RUNX1: variants seen among roughly 807,000 people sequenced by gnomAD.
RUNX1 encodes the protein RUNX family transcription factor 1.
Under a neutral mutation model 42.8 loss-of-function variants are expected in RUNX1, and 19 were observed. The ratio of observed to expected loss-of-function variants is 0.44; its 90% CI spans 0.31 to 0.65. The LOEUF (loss-of-function observed/expected upper bound fraction) is 0.65. RUNX1 is among the 30% of genes least tolerant of loss of function. RUNX1 has a pLI of 0.07. For missense variants in RUNX1, 528 were observed against 672.0 expected (o/e 0.79, Z 2.37); for synonymous variants, 271 against 289.4 (o/e 0.94, Z 0.64).
At chr21:34,870,414 A>ACCAGGGGCGATTTGCCC (rs2057720217) in intron 5 of RUNX1, among the ~76,000 whole-genome samples, 1 of 152,232 alleles carries the variant, frequency 6.6e-6, no homozygotes, top group Admixed American at 6.5e-5. Flanking sequence ...GTGGTTCTCA[A>ACCAGGGGCGATTTGCCC]CCAGGGGCGA....
intron 2 of RUNX1, among the ~76,000 whole-genome samples, chr21:35,001,199 GT>G (rs921227758): frequency 1.7e-4 from 25 of 151,182 alleles, no homozygotes; most frequent in African/African-American, 5.1e-4. Flanking sequence ...TTTTTTAAAA[GT>G]TTTTTTAATA....
At chr21:35,001,602 C>T (rs1184394994) in intron 2 of RUNX1, among the ~76,000 whole-genome samples, 5 of 152,116 alleles carry the variant, frequency 3.3e-5, no homozygotes, top group African/African-American at 2.4e-5. Flanking sequence ...CAAGGATGTT[C>T]ACTCTTGCCA....
chr21:35,003,012 G>C (rs2059057818), intron 2 of RUNX1, among the ~76,000 whole-genome samples: 1 of 152,146 alleles, frequency 6.6e-6, no homozygotes. Context: ...GCAAAACATG[G>C]TGGTGCAAGA....
chr21:34,979,462 G>C (rs2058830460), intron 2 of RUNX1, among the ~76,000 whole-genome samples: 1 of 152,050 alleles, frequency 6.6e-6, no homozygotes, highest in African/African-American at 2.4e-5. Context: ...TGCTCTACAA[G>C]AGAACTACAT....
intron 7 of RUNX1, among the ~76,000 whole-genome samples, chr21:34,804,235 C>T (rs1412282127): frequency 1.3e-5 from 2 of 152,172 alleles, no homozygotes. Flanking sequence ...CTAGGGGCTA[C>T]AGTTTCAGGA....
At chr21:35,024,776 A>G (rs1379395888) in intron 2 of RUNX1, among the ~76,000 whole-genome samples, 1 of 152,244 alleles carries the variant, frequency 6.6e-6, no homozygotes, top group Admixed American at 6.5e-5. Flanking sequence ...GCAACTTGAC[A>G]TTCTTTTCTA....
chr21:34,880,109 T>C (rs2057872582), intron 5 of RUNX1, among the ~76,000 whole-genome samples: 1 of 152,200 alleles, frequency 6.6e-6, no homozygotes, highest in Admixed American at 6.5e-5. Context: ...TAGAAATCCC[T>C]AAAATTATTA....
intron 4 of RUNX1, among the ~76,000 whole-genome samples, chr21:34,882,626 T>C (rs2057921687): frequency 6.6e-6 from 1 of 152,178 alleles, no homozygotes; most frequent in Admixed American, 6.5e-5. Flanking sequence ...GACAATTCCC[T>C]TTTTGTTTTA....
intron 2 of RUNX1, among the ~76,000 whole-genome samples, chr21:34,971,996 T>A (rs1291720531): frequency 6.6e-6 from 1 of 152,186 alleles, no homozygotes; most frequent in East Asian, 1.9e-4. Flanking sequence ...ACCATAATTT[T>A]AAAAATATAG....
chr21:34,914,017 G>A lies in RUNX1; in HGVS notation c.59-21054C>T, dbSNP rs140590948. Among the ~76,000 whole-genome samples, 519 of 152,290 alleles carry A rather than the reference G, an allele frequency of 3.4e-3. 2 individuals are homozygous for A. Among genetic ancestry groups the A allele is most frequent in the African/African-American group, 0.012 (491 of 41,570 alleles). ...TTCAGGAGGCATAAAATAACCTACT[G>A]TTACTCAATATGGCCAACACTCTGG... On this transcript the variant is annotated intron_variant, in intron 2 of 8. Coordinates refer to ENST00000675419, the MANE Select transcript of RUNX1 (RefSeq NM_001754.5).
intron 2 of RUNX1, among the ~76,000 whole-genome samples, chr21:35,003,879 A>G (rs192185148): frequency 2.0e-5 from 3 of 152,340 alleles, no homozygotes; most frequent in Non-Finnish European, 4.4e-5. Context: ...GAAAAAAATA[A>G]AAAAGAAAAC....
chr21:35,043,349 G>C (rs2059373812), intron 2 of RUNX1, among the ~76,000 whole-genome samples: 1 of 152,256 alleles, frequency 6.6e-6, no homozygotes, highest in South Asian at 2.1e-4. Flanking sequence ...AGCAGGGGAG[G>C]CCGAGAAACA....
At chr21:34,842,570 G>A (rs1337563234) in intron 6 of RUNX1, among the ~76,000 whole-genome samples, 1 of 150,676 alleles carries the variant, frequency 6.6e-6, no homozygotes. Context: ...AAAAAGAATA[G>A]GTCAAAGGCT....
chr21:34,826,637 G>T (rs1382697740), intron 7 of RUNX1, among the ~76,000 whole-genome samples: 1 of 151,472 alleles, frequency 6.6e-6, no homozygotes, highest in African/African-American at 2.4e-5. Flanking sequence ...AGAGATGGGG[G>T]TTTCACCATG....
chr21:35,048,959 C>A lies in RUNX1; in HGVS notation c.-59-1G>T. 1.3e-6 allele frequency: 2 copies of A among 1,519,458 alleles called. No homozygotes were observed. The highest frequency in any genetic ancestry group is 1.1e-5 in the South Asian group (1 of 89,292). 94.1% of individuals were successfully genotyped at this position (1,519,458 alleles called of 1,614,324 possible). On this transcript the variant is annotated splice_acceptor_variant, in intron 1 of 8. Transcript: ENST00000675419. LOFTEE classifies it low-confidence loss of function (5UTR_SPLICE). ...CGGGGGACTCAATGATTTCTTTTAC[C>A]TTCGGAGCGAAAACCAAGACAGGTC... is the stretch of plus-strand genomic sequence containing the variant.
intron 3 of RUNX1, chr21:34,887,717 C>A (rs761467839): frequency 9.4e-7 from 1 of 1,059,966 alleles, no homozygotes; most frequent in East Asian, 5.2e-5. Flanking sequence ...TATACATATG[C>A]TCTACTTCAT....
At chr21:34,939,994 G>A (rs1291885987) in intron 2 of RUNX1, among the ~76,000 whole-genome samples, 1 of 152,134 alleles carries the variant, frequency 6.6e-6, no homozygotes, top group Non-Finnish European at 1.5e-5. Context: ...CCCATTTCAT[G>A]ATTGCAATGA....
At chr21:34,902,179 C>T (rs1169265255) in intron 2 of RUNX1, among the ~76,000 whole-genome samples, 1 of 152,206 alleles carries the variant, frequency 6.6e-6, no homozygotes, top group East Asian at 1.9e-4. Flanking sequence ...ATAATTTACT[C>T]TTTCACTAGG....
chr21:34,825,462 G>C (rs373246723), intron 7 of RUNX1, among the ~76,000 whole-genome samples: 1 of 152,198 alleles, frequency 6.6e-6, no homozygotes, highest in Non-Finnish European at 1.5e-5. Flanking sequence ...ACATTTTTCT[G>C]GCTGGGAAAT....
Sources: gnomAD v4.1 joint callset for allele counts (sites outside exome capture counted in the v4.1 genomes callset) on GRCh38, gnomAD v4.1.1 for gene constraint, MANE v1.5 for transcripts, NCBI Gene and HGNC (gene_info 2026-07-23, HGNC 2026-07-21) for gene names.